NOS1AP: variants seen among roughly 807,000 people sequenced by gnomAD.
NOS1AP encodes nitric oxide synthase 1 adaptor protein.
A neutral mutation model predicts 56.2 loss-of-function variants in NOS1AP; 21 were observed. The observed-to-expected ratio is 0.37, with a 90% CI of 0.26 to 0.54. The LOEUF is 0.54. NOS1AP is among the 20% of genes least tolerant of loss of function. The pLI is 0.84. For synonymous variants in NOS1AP, 270 were observed against 274.6 expected (o/e 0.98, Z 0.17); for missense variants, 522 against 657.8 (o/e 0.79, Z 2.26).
chr1:162,356,262 CT>C (rs1657701832), intron 7 of NOS1AP, among the ~76,000 whole-genome samples: 1 of 152,184 alleles, frequency 6.6e-6, no homozygotes, highest in Non-Finnish European at 1.5e-5. Context: ...CCATGGAATT[CT>C]ATGAATCGTA....
At chr1:162,289,118 G>A (rs992907435) in intron 3 of NOS1AP, among the ~76,000 whole-genome samples, 1 of 152,126 alleles carries the variant, frequency 6.6e-6, no homozygotes, top group Non-Finnish European at 1.5e-5. Flanking sequence ...GCAATCTGTG[G>A]CTGACACTCC....
intron 2 of NOS1AP, among the ~76,000 whole-genome samples, chr1:162,237,639 G>A (rs16858907): frequency 0.033 from 5,037 of 152,236 alleles, 162 homozygotes; most frequent in African/African-American, 0.087. Context: ...TTGACAAGAA[G>A]GAGAATCAGT....
At chr1:162,226,047 A>T (rs375401668) in intron 2 of NOS1AP, among the ~76,000 whole-genome samples, 1 of 151,732 alleles carries the variant, frequency 6.6e-6, no homozygotes, top group Non-Finnish European at 1.5e-5. Context: ...TAATCCCAGC[A>T]CTTTGTGGGG....
At chr1:162,189,180 G>T (rs1403474783) in intron 2 of NOS1AP, among the ~76,000 whole-genome samples, 1 of 152,110 alleles carries the variant, frequency 6.6e-6, no homozygotes, top group Non-Finnish European at 1.5e-5. Flanking sequence ...CCTTACAATA[G>T]GAGGTCTAAG....
Position 162,367,318 on chromosome 1 carries a change from C to T in NOS1AP, c.1372C>T (p.Arg458Ter). 6.2e-7 allele frequency: 1 copy of T among 1,613,282 alleles called. No individual in the cohort carries two copies. The highest frequency in any genetic ancestry group is 8.5e-7 in the Non-Finnish European group (1 of 1,179,924). Residue 458 changes from arginine to a stop codon, truncating the protein, a stop_gained, in exon 10 of 10, where the codon CGA becomes TGA. Coordinates refer to ENST00000361897, the MANE Select transcript of NOS1AP (RefSeq NM_014697.3). LOFTEE classifies it high-confidence loss of function. The surrounding 1 kb of genome is among the most constrained non-coding windows in gnomAD (Gnocchi z 6.5). The stretch of plus-strand genomic sequence containing the variant: ...GGGCGGTCTGGAGCTCATCAAGTTC[C>T]GAGAGTCAGGCATCGCCTCGGAGTA... ...LLGGLELIKF[R>*]ESGIASEYES...
chr1:162,179,006 G>A (rs4445433), intron 2 of NOS1AP, among the ~76,000 whole-genome samples: 73,945 of 151,792 alleles, frequency 0.49, 20,327 homozygotes, highest in East Asian at 0.75. Context: ...GAGGGGGGTG[G>A]TGCTGGTGGT....
At chr1:162,338,380 C>G (rs575843425) in intron 5 of NOS1AP, among the ~76,000 whole-genome samples, 1 of 152,266 alleles carries the variant, frequency 6.6e-6, no homozygotes, top group South Asian at 2.1e-4. Context: ...TCATCATCAT[C>G]TTCATCTGGT....
intron 1 of NOS1AP, among the ~76,000 whole-genome samples, chr1:162,075,818 T>G (rs1182624503): frequency 1.3e-5 from 2 of 152,210 alleles, no homozygotes; most frequent in African/African-American, 4.8e-5. Flanking sequence ...GATACAGTAC[T>G]GCTCTGAAAT....
chr1:162,267,751 A>C (rs924251319), intron 2 of NOS1AP, among the ~76,000 whole-genome samples: 1 of 152,190 alleles, frequency 6.6e-6, no homozygotes, highest in South Asian at 2.1e-4. Context: ...CAACAGAGCA[A>C]GACGTTGCCT....
chr1:162,216,732 G>T (rs764297946), intron 2 of NOS1AP, among the ~76,000 whole-genome samples: 1 of 152,152 alleles, frequency 6.6e-6, no homozygotes, highest in Non-Finnish European at 1.5e-5. Flanking sequence ...ATTGTGATAA[G>T]AATGTTATAA....
chr1:162,261,410 A>G (rs1186929673), intron 2 of NOS1AP, among the ~76,000 whole-genome samples: 1 of 127,054 alleles, frequency 7.9e-6, no homozygotes, highest in African/African-American at 3.1e-5. Flanking sequence ...ACCCTGCATT[A>G]TCCAGGTGGG....
chr1:162,249,328 A>G (rs1257681879), intron 2 of NOS1AP, among the ~76,000 whole-genome samples: 1 of 152,194 alleles, frequency 6.6e-6, no homozygotes, highest in African/African-American at 2.4e-5. Context: ...AGGCTCCCAC[A>G]GTGACCATCT....
chr1:162,176,928 G>A (rs993883988), intron 2 of NOS1AP, among the ~76,000 whole-genome samples: 2 of 152,206 alleles, frequency 1.3e-5, no homozygotes, highest in Non-Finnish European at 2.9e-5. Flanking sequence ...CGATTCATAT[G>A]CAGTCTTTTA....
At chr1:162,180,723 C>T (rs888961285) in intron 2 of NOS1AP, among the ~76,000 whole-genome samples, 5 of 152,120 alleles carry the variant, frequency 3.3e-5, no homozygotes, top group East Asian at 1.9e-4. Flanking sequence ...GTTCTGCCAA[C>T]GACAACGTGA....
intron 2 of NOS1AP, among the ~76,000 whole-genome samples, chr1:162,242,873 C>T (rs1221541478): frequency 2.0e-5 from 3 of 151,936 alleles, no homozygotes; most frequent in Non-Finnish European, 4.4e-5. Flanking sequence ...AATTGGTCTT[C>T]GGGAAGGAGG....
chr1:162,264,446 T>TTCTCC (rs1654341011), intron 2 of NOS1AP, among the ~76,000 whole-genome samples: 1 of 1,528 alleles, frequency 6.5e-4, no homozygotes, highest in African/African-American at 2.5e-3. Context: ...TTCTCTTCTC[T>TTCTCC]TCTCTTCTCT....
intron 4 of NOS1AP, among the ~76,000 whole-genome samples, chr1:162,323,293 G>C (rs1330592684): frequency 6.6e-6 from 1 of 152,204 alleles, no homozygotes; most frequent in Non-Finnish European, 1.5e-5. Context: ...GGAGAGATGT[G>C]GAATAGATTC....
chr1:162,089,831 C>A (rs891331546), intron 1 of NOS1AP, among the ~76,000 whole-genome samples: 3 of 152,186 alleles, frequency 2.0e-5, no homozygotes, highest in Non-Finnish European at 2.9e-5. Flanking sequence ...GGCCGTGCAG[C>A]CTGCCAACAC....
chr1:162,074,831 G>A (rs1691735061), intron 1 of NOS1AP, among the ~76,000 whole-genome samples: 1 of 152,178 alleles, frequency 6.6e-6, no homozygotes, highest in Non-Finnish European at 1.5e-5. Flanking sequence ...CGTCCTTCAT[G>A]TGACTATTCT....
Sources: gnomAD v4.1 joint callset for allele counts (sites outside exome capture counted in the v4.1 genomes callset) on GRCh38, gnomAD v4.1.1 for gene constraint, Gnocchi (gnomAD v3.1) non-coding constraint, MANE v1.5 for transcripts, NCBI Gene and HGNC (gene_info 2026-07-23, HGNC 2026-07-21) for gene names.